The following SPOCK3 variants were observed in gnomAD, a reference collection of about 807,000 sequenced individuals.
SPOCK3 encodes testican-3.
SPOCK3 carries 30 observed loss-of-function variants against 56.6 expected under a neutral mutation model. The ratio of observed to expected loss-of-function variants is 0.53; its 90% CI spans 0.40 to 0.72. SPOCK3 has a LOEUF of 0.72. Among genes scored for constraint, SPOCK3 ranks in the 30% least tolerant of loss-of-function variants. SPOCK3 has a pLI of 0.00. For synonymous variants in SPOCK3, 196 were observed against 183.3 expected (o/e 1.07, Z -0.56); for missense variants, 527 against 530.0 (o/e 0.99, Z 0.06).
At position 166,993,113 on chromosome 4, in the gene SPOCK3, G is replaced by A. The variant is rs192061772; in HGVS notation, c.350+7236C>T. Among the ~76,000 whole-genome samples the A allele has an allele frequency of 4.6e-5, 7 of 152,170 alleles. No individual in the cohort carries two copies. In the East Asian group the frequency reaches 1.4e-3, roughly 30 times the overall value. On this transcript the variant is annotated intron_variant, in intron 4 of 10. Transcript: ENST00000357545. ...ACATTCATTACAAATCTGTTATACA[G>A]GCTTCAAAGCCAGTATATATTGCAA...
At chr4:167,234,222 T>C (rs1196057461) in intron 1 of SPOCK3, 49 bp from the exon 2 acceptor site, 1 of 1,590,854 alleles carries the variant, frequency 6.3e-7, no homozygotes. Context: ...CAGTGTCAAA[T>C]AAGGGGTACG....
chr4:166,957,172 T>A (rs1302551194), intron 4 of SPOCK3, among the ~76,000 whole-genome samples: 1 of 152,200 alleles, frequency 6.6e-6, no homozygotes, highest in Admixed American at 6.5e-5. Context: ...GAGGATCACT[T>A]GAGCCTAGGA....
At chr4:166,898,718 C>G in intron 5 of SPOCK3, among the ~76,000 whole-genome samples, 1 of 152,110 alleles carries the variant, frequency 6.6e-6, no homozygotes, top group East Asian at 1.9e-4. Flanking sequence ...AGCCAAGATT[C>G]ATGTGTAAAG....
At chr4:166,848,587 G>A (rs1342071175) in intron 6 of SPOCK3, among the ~76,000 whole-genome samples, 1 of 152,142 alleles carries the variant, frequency 6.6e-6, no homozygotes, top group Non-Finnish European at 1.5e-5. Flanking sequence ...GTAAGTACTT[G>A]CCTTCAAAAA....
At chr4:167,031,413 T>C (rs1173115095) in intron 3 of SPOCK3, among the ~76,000 whole-genome samples, 2 of 152,018 alleles carry the variant, frequency 1.3e-5, no homozygotes, top group Non-Finnish European at 2.9e-5. Flanking sequence ...AAATACTTTA[T>C]TCCCTAACAA....
chr4:166,733,495 A>G lies in SPOCK3; in HGVS notation c.*1426T>C, dbSNP rs1015456276. On this transcript the variant is annotated 3_prime_UTR_variant, in exon 11 of 11. Transcript: ENST00000357545. ...TAAATTTTGTATTGAGTGTGTATAA[A>G]TTAAATGGAAATAATTAATCAATTT... 1.3e-5 allele frequency: 2 copies of G among 151,894 alleles called. No homozygotes were observed. The highest frequency in any genetic ancestry group is 2.1e-4 in the South Asian group (1 of 4,832). The allele number at this position is 151,894 out of a possible 1,614,324, so 9.4% of individuals were successfully genotyped here.
At chr4:166,765,459 C>A (rs1009499108) in intron 7 of SPOCK3, among the ~76,000 whole-genome samples, 2 of 152,140 alleles carry the variant, frequency 1.3e-5, no homozygotes, top group African/African-American at 4.8e-5. Context: ...TTCCCCATTT[C>A]TTGTTTTTGT....
chr4:167,017,537 T>C (rs1480921634), intron 3 of SPOCK3, among the ~76,000 whole-genome samples: 2 of 151,990 alleles, frequency 1.3e-5, no homozygotes, highest in East Asian at 3.9e-4. Flanking sequence ...GGGCTAAGTC[T>C]CCCCTTCACC....
At chr4:166,903,186 TTAAA>T (rs1314869364) in intron 5 of SPOCK3, among the ~76,000 whole-genome samples, 1 of 149,452 alleles carries the variant, frequency 6.7e-6, no homozygotes, top group East Asian at 1.9e-4. Flanking sequence ...TTAAAATTTA[TTAAA>T]TAAATTGTGA....
chr4:166,928,495 C>T (rs1739367042), intron 4 of SPOCK3, among the ~76,000 whole-genome samples: 1 of 152,092 alleles, frequency 6.6e-6, no homozygotes. Context: ...AACTATGAGA[C>T]ACAAAAAAGA....
intron 4 of SPOCK3, among the ~76,000 whole-genome samples, chr4:166,958,822 A>G (rs1383630239): frequency 1.3e-5 from 2 of 152,168 alleles, no homozygotes; most frequent in Non-Finnish European, 2.9e-5. Flanking sequence ...TTTGTTTACT[A>G]CTGTATCACC....
chr4:166,848,998 G>A (rs762184249), intron 6 of SPOCK3, among the ~76,000 whole-genome samples: 14 of 152,068 alleles, frequency 9.2e-5, no homozygotes, highest in Non-Finnish European at 1.6e-4. Flanking sequence ...TCAAGAAATC[G>A]TGTAAGTAAA....
chr4:166,751,716 G>A (rs1299836743), intron 8 of SPOCK3, among the ~76,000 whole-genome samples: 2 of 152,006 alleles, frequency 1.3e-5, no homozygotes, highest in Admixed American at 6.6e-5. Context: ...ACACAACAGC[G>A]TTTTCAATAG....
intron 2 of SPOCK3, among the ~76,000 whole-genome samples, chr4:167,219,817 T>C (rs978810042): frequency 1.3e-5 from 2 of 152,194 alleles, no homozygotes; most frequent in African/African-American, 4.8e-5. Context: ...TTCTTCAGTG[T>C]AGCAGCAAAT....
intron 2 of SPOCK3, among the ~76,000 whole-genome samples, chr4:167,155,740 A>G (rs535144464): frequency 6.6e-6 from 1 of 152,272 alleles, no homozygotes; most frequent in East Asian, 1.9e-4. Context: ...AGCAGGGAGA[A>G]AAATATTGAC....
intron 6 of SPOCK3, among the ~76,000 whole-genome samples, chr4:166,802,849 G>C (rs2126694980): frequency 6.6e-6 from 1 of 152,148 alleles, no homozygotes; most frequent in East Asian, 1.9e-4. Flanking sequence ...CCTGATTTTA[G>C]AGTAAAATGC....
chr4:167,065,339 C>T, intron 2 of SPOCK3, among the ~76,000 whole-genome samples: 1 of 151,788 alleles, frequency 6.6e-6, no homozygotes, highest in African/African-American at 2.4e-5. Flanking sequence ...GTGTTTGCAA[C>T]ACTGAACACC....
intron 2 of SPOCK3, among the ~76,000 whole-genome samples, chr4:167,147,833 T>A (rs1390701769): frequency 1.3e-5 from 2 of 151,974 alleles, no homozygotes; most frequent in Non-Finnish European, 2.9e-5. Flanking sequence ...GGGGAAGGGA[T>A]AACATTAGGA....
chr4:166,856,804 C>CTATCTATCTATCTAGATATCTAGA (rs752760074), intron 6 of SPOCK3, among the ~76,000 whole-genome samples: 1 of 150,158 alleles, frequency 6.7e-6, no homozygotes, highest in Non-Finnish European at 1.5e-5. Flanking sequence ...ATCTATCTAT[C>CTATCTATCTATCTAGATATCTAGA]TATCTAGATA....
Sources: allele counts gnomAD v4.1 joint callset (sites outside exome capture counted in the v4.1 genomes callset), GRCh38; gene constraint gnomAD v4.1.1; transcripts MANE v1.5; gene names NCBI Gene and HGNC (gene_info 2026-07-23, HGNC 2026-07-21).